Variants in MARF1 observed in about 807,000 individuals in gnomAD.
The protein encoded by MARF1 is limkain-b1.
MARF1 carries 24 observed loss-of-function variants against 168.2 expected under a neutral mutation model. The observed-to-expected ratio is 0.14, with a 90% CI of 0.10 to 0.20. The LOEUF is 0.20. Ranked by LOEUF, MARF1 falls within the 10% of genes least tolerant of loss-of-function variation. The pLI is 1.00. For missense variants in MARF1, 1,744 were observed against 2,143.6 expected, an observed-to-expected ratio of 0.81 and a Z score of 3.68; for synonymous variants, 868 against 822.4, an observed-to-expected ratio of 1.06 and a Z score of -0.95.
At chr16:15,619,272 G>T (rs976117860) in intron 13 of MARF1, among the ~76,000 whole-genome samples, 1 of 152,148 alleles carries the variant, frequency 6.6e-6, no homozygotes, top group African/African-American at 2.4e-5. Flanking sequence ...GTGAGACCCT[G>T]GCTCAATAAA....
chr16:15,611,130 G>A, intron 18 of MARF1, 22 bp from the exon 19 acceptor site: 3 of 1,611,766 alleles, frequency 1.9e-6, no homozygotes, highest in African/African-American at 1.3e-5. Flanking sequence ...CAACGGAAGT[G>A]GATACGGAAT....
chr16:15,608,494 T>A lies in MARF1; in HGVS notation c.3979A>T (p.Ile1327Phe), dbSNP rs185496208. ...LQVLECGEEK[I>F]LTLTEVERFK... Reference sequence around the variant, plus strand: ...CGCTCCACCTCTGTCAGAGTAAGGATCTTTTCTTCTCCACATTCCAATACC... The same window carrying A: ...CGCTCCACCTCTGTCAGAGTAAGGAACTTTTCTTCTCCACATTCCAATACC... The change falls in exon 21 of 27, where the codon ATC becomes TTC. Residue 1327 changes from isoleucine to phenylalanine, a missense_variant. Ile to Phe is a conservative substitution (Grantham distance 21, BLOSUM62 0). This residue lies in a region of MARF1 where 543 missense variants were observed against 742.1 expected (regional missense o/e 0.73). Coordinates refer to ENST00000396368, the MANE Select transcript of MARF1 (RefSeq NM_014647.4). 283 of 1,613,996 alleles carry A rather than the reference T, an allele frequency of 1.8e-4. 1 individual carries two copies. The East Asian group carries it at 5.2e-3, about 30-fold the overall frequency.
At chr16:15,638,684 T>TA (rs987262048) in intron 2 of MARF1, among the ~76,000 whole-genome samples, 3 of 151,792 alleles carry the variant, frequency 2.0e-5, no homozygotes, top group African/African-American at 7.3e-5. Flanking sequence ...AATCTCGAAA[T>TA]AAAAAACAGG....
intron 13 of MARF1, 137 bp downstream of exon 13, chr16:15,620,314 A>G: frequency 2.0e-6 from 1 of 492,102 alleles, no homozygotes; most frequent in Middle Eastern, 2.9e-4. Context: ...ATTCATTGAC[A>G]TGTAAATCTG....
chr16:15,631,344 G>A (rs1596495348), intron 6 of MARF1, 37 bp downstream of exon 6: 3 of 1,376,658 alleles, frequency 2.2e-6, no homozygotes, highest in South Asian at 1.2e-5. Flanking sequence ...CCCACACAGT[G>A]AGTTTAGCTG....
chr16:15,620,309 T>C (rs979032073), intron 13 of MARF1, 142 bp downstream of exon 13: 6 of 476,652 alleles, frequency 1.3e-5, no homozygotes, highest in African/African-American at 2.0e-5. Context: ...TAAACATTCA[T>C]TGACATGTAA....
chr16:15,637,815 A>G (rs1298341376), intron 2 of MARF1, among the ~76,000 whole-genome samples: 1 of 152,262 alleles, frequency 6.6e-6, no homozygotes, highest in Non-Finnish European at 1.5e-5. Flanking sequence ...TCTTGCAACA[A>G]AGACAACTAT....
chr16:15,598,801 G>C, intron 26 of MARF1, 53 bp downstream of exon 26: 1 of 1,539,814 alleles, frequency 6.5e-7, no homozygotes, highest in Non-Finnish European at 9.0e-7. Flanking sequence ...ATCTCATCGT[G>C]GTTTTGTTTT....
chr16:15,607,410 G>A (rs1330562483), intron 21 of MARF1, among the ~76,000 whole-genome samples: 7 of 152,190 alleles, frequency 4.6e-5, no homozygotes, highest in South Asian at 4.1e-4. Context: ...CTAGCTGGGC[G>A]TAGTGGCGGG....
In MARF1 at chr16:15,617,301, G is replaced by C. The variant is rs370819878; in HGVS notation, c.2955C>G (p.Phe985Leu). 9.1e-5 allele frequency: 147 copies of C among 1,613,032 alleles called. No individual in the cohort carries two copies. The highest frequency in any genetic ancestry group is 1.2e-4 in the Non-Finnish European group (141 of 1,179,116). The change falls in exon 14 of 27, where the codon TTC becomes TTG. Residue 985 changes from phenylalanine to leucine, a missense_variant and splice_region_variant. By Grantham distance (22) the Phe-to-Leu change is conservative. This residue lies in a region of MARF1 where 543 missense variants were observed against 742.1 expected (regional missense o/e 0.73). Transcript: ENST00000396368. ...VCRQHCSNKD[F>L]SEHEFDPDSY... is the part of the protein sequence containing the mutation. ...CTAAAGGAAAACGAACGGCACACCT[G>C]AAATCCTTATTGGAACAATGCTGTC...
Position 15,625,094 on chromosome 16 carries a change from G to A in MARF1, c.2033C>T (p.Thr678Ile). ...CACTGCAGCACTTGAGTTACCGTGAGTGGGTACGACCAGCCTCAGGTGACC... is the reference window on the plus strand; with the variant it reads ...CACTGCAGCACTTGAGTTACCGTGAATGGGTACGACCAGCCTCAGGTGACC... ...QQGHLRLVVP[T>I]HGNSSAAVST... is the part of the protein sequence containing the mutation. The change falls in exon 9 of 27, where the codon ACT (threonine) becomes ATT (isoleucine). Residue 678 changes from threonine (T) to isoleucine (I), a missense_variant. This residue lies in a region of MARF1 where 270 missense variants were observed against 260.6 expected (regional missense o/e 1.04). Coordinates refer to ENST00000396368, the MANE Select transcript of MARF1 (RefSeq NM_014647.4). 6.2e-7 allele frequency: 1 copy of A among 1,614,212 alleles called. No homozygotes were observed. Among genetic ancestry groups the A allele is most frequent in the African/African-American group, 1.3e-5 (1 of 75,054 alleles).
In MARF1 at chr16:15,595,887, A is replaced by G. The variant is rs1246409217; in HGVS notation, c.*806T>C. On this transcript the variant is annotated 3_prime_UTR_variant, in exon 27 of 27. Transcript: ENST00000396368. ...CAATGCTGCCTCTCGACACACAATA[A>G]TGTGTGTTGTAATCCAAATGCTGAC... is the stretch of plus-strand genomic sequence containing the variant. 1 of 152,228 alleles carries G rather than the reference A, an allele frequency of 6.6e-6. No homozygotes were observed. Among genetic ancestry groups the G allele is most frequent in the Non-Finnish European group, 1.5e-5 (1 of 68,040 alleles). 9.4% of individuals were successfully genotyped at this position (152,228 alleles called of 1,614,324 possible).
Position 15,599,096 on chromosome 16 carries a change from A to C in MARF1, c.4814-72T>G, listed in dbSNP as rs745931624. Reference sequence around the variant, plus strand: ...CCCCCAGCACACACCCTGGGCTCACACCTGAAGTTTTCCTTCTAAGCCTTA... The same window carrying C: ...CCCCCAGCACACACCCTGGGCTCACCCCTGAAGTTTTCCTTCTAAGCCTTA... On this transcript the variant is annotated intron_variant, in intron 25 of 26. Transcript: ENST00000396368. 8 of 1,365,260 alleles carry C rather than the reference A, an allele frequency of 5.9e-6. No individual in the cohort carries two copies. The South Asian group carries it at 8.3e-5, about 14-fold the overall frequency. 84.6% of individuals were successfully genotyped at this position (1,365,260 alleles called of 1,614,324 possible). A position where few individuals can be genotyped will look rare whatever the true frequency, so the allele number is the denominator to read the frequency against.
At chr16:15,612,432 G>T in intron 17 of MARF1, 125 bp downstream of exon 17, 1 of 827,248 alleles carries the variant, frequency 1.2e-6, no homozygotes. Context: ...TCTGAAGAAA[G>T]TTTTTAGTGG....
chr16:15,639,258 TC>T lies in MARF1; in HGVS notation c.-26del. On this transcript the variant is annotated 5_prime_UTR_variant, in exon 2 of 27. An upstream open reading frame in the 5' UTR gains an earlier in-frame stop. Transcript: ENST00000396368. ...TACAGCCATGCAAAGTGATTCAACA[TC>T]CTTTCATCTTTCTTTTCTTTCATTC... 1 of 1,596,750 alleles carries T rather than the reference TC, an allele frequency of 6.3e-7. No individual in the cohort carries two copies. Among genetic ancestry groups the T allele is most frequent in the Non-Finnish European group, 8.5e-7 (1 of 1,171,270 alleles).
rs1201580794 is a variant in MARF1 at position 15,595,092 on chromosome 16, C to T, written c.*1601G>A. 1 of 152,592 alleles carries T rather than the reference C, an allele frequency of 6.6e-6. No individual in the cohort carries two copies. Among genetic ancestry groups the T allele is most frequent in the African/African-American group, 2.4e-5 (1 of 41,424 alleles). 9.5% of individuals were successfully genotyped at this position (152,592 alleles called of 1,614,324 possible). A position where few individuals can be genotyped will look rare whatever the true frequency, so the allele number is the denominator to read the frequency against. ...TCCTTTAAAAAAAATTGCACATTTGCATTTCACTTCCTGTAACACTATGTC... is the reference window on the plus strand; with the variant it reads ...TCCTTTAAAAAAAATTGCACATTTGTATTTCACTTCCTGTAACACTATGTC... On this transcript the variant is annotated 3_prime_UTR_variant, in exon 27 of 27. Transcript: ENST00000396368.
intron 23 of MARF1, 100 bp downstream of exon 23, chr16:15,601,891 G>T: frequency 2.1e-6 from 2 of 937,946 alleles, no homozygotes; most frequent in Non-Finnish European, 3.5e-6. Context: ...CAAAATGCCT[G>T]CCGTTCCATT....
At chr16:15,621,685 C>A in intron 12 of MARF1, 48 bp downstream of exon 12, 1 of 1,552,354 alleles carries the variant, frequency 6.4e-7, no homozygotes, top group Non-Finnish European at 8.8e-7. Flanking sequence ...AAAATTGTTT[C>A]TGGGTCAAAT....
In MARF1 at chr16:15,635,528, G is replaced by A. The variant is rs1480443587; in HGVS notation, c.831+128C>T. ...CAGAACCAGCAAAAATTATGCTGAT[G>A]GGGAGATTCCCCTATACCATGGGAG... On this transcript the variant is annotated intron_variant, in intron 3 of 26. Coordinates refer to ENST00000396368, the MANE Select transcript of MARF1 (RefSeq NM_014647.4). The A allele has an allele frequency of 9.9e-6, 8 of 809,598 alleles. 1 individual carries two copies. In the South Asian group the frequency reaches 1.6e-4, roughly 16 times the overall value. 50.2% of individuals were successfully genotyped at this position (809,598 alleles called of 1,614,324 possible).
Sources: gnomAD v4.1 joint callset for allele counts (sites outside exome capture counted in the v4.1 genomes callset) on GRCh38, gnomAD v4.1.1 for gene constraint, gnomAD v4.1.1 regional missense constraint, MANE v1.5 for transcripts, NCBI Gene and HGNC (gene_info 2026-07-23, HGNC 2026-07-21) for gene names.